FOXP1: variants seen among roughly 807,000 people sequenced by gnomAD.
The protein encoded by FOXP1 is forkhead box P1, also known as forkhead box protein P1.
A neutral mutation model predicts 98.2 loss-of-function variants in FOXP1; 15 were observed. The observed-to-expected ratio is 0.15, with a 90% CI of 0.10 to 0.24. The LOEUF (loss-of-function observed/expected upper bound fraction) is 0.24, where lower values mean the gene tolerates loss of function less well. Ranked by LOEUF, FOXP1 falls within the 10% of genes least tolerant of loss-of-function variation. FOXP1 has a pLI of 1.00. For missense variants in FOXP1, 633 were observed against 848.5 expected (o/e 0.75, Z 3.15); for synonymous variants, 371 against 314.5 (o/e 1.18, Z -1.90).
intron 6 of FOXP1, among the ~76,000 whole-genome samples, chr3:71,123,244 A>T (rs2058914923): frequency 6.6e-6 from 1 of 152,212 alleles, no homozygotes. Flanking sequence ...CCAGCCCTGC[A>T]TCTGAATCCC....
chr3:71,071,356 T>A (rs2053204276), intron 7 of FOXP1, among the ~76,000 whole-genome samples: 1 of 152,176 alleles, frequency 6.6e-6, no homozygotes, highest in South Asian at 2.1e-4. Flanking sequence ...GGGGCTCATC[T>A]ACAGGCCGCT....
At chr3:71,026,344 A>G (rs556615666) in intron 11 of FOXP1, among the ~76,000 whole-genome samples, 2 of 152,356 alleles carry the variant, frequency 1.3e-5, no homozygotes, top group Admixed American at 1.3e-4. Flanking sequence ...CAAGTTTGGA[A>G]AAGTAAAAGC....
At chr3:71,294,700 A>T (rs1410884419) in intron 5 of FOXP1, among the ~76,000 whole-genome samples, 2 of 152,040 alleles carry the variant, frequency 1.3e-5, no homozygotes, top group Non-Finnish European at 2.9e-5. Context: ...TGTCCCCTTA[A>T]ATCTGTTTGT....
chr3:71,036,806 G>A (rs761090262), intron 11 of FOXP1, among the ~76,000 whole-genome samples: 1 of 152,062 alleles, frequency 6.6e-6, no homozygotes, highest in Non-Finnish European at 1.5e-5. Flanking sequence ...CCATAAAAGA[G>A]AAAACTCTGG....
chr3:71,232,671 G>A (rs952309426), intron 5 of FOXP1, among the ~76,000 whole-genome samples: 1 of 151,678 alleles, frequency 6.6e-6, no homozygotes, highest in African/African-American at 2.4e-5. Context: ...GGTGGAGGTG[G>A]GAGGATCCCT....
intron 2 of FOXP1, among the ~76,000 whole-genome samples, chr3:71,538,075 T>C (rs1271651371): frequency 1.3e-5 from 2 of 152,174 alleles, no homozygotes; most frequent in Non-Finnish European, 2.9e-5. Context: ...TTTACAGAAA[T>C]TTGCTGACCC....
At chr3:70,970,574 C>T (rs866363109) in intron 19 of FOXP1, 162 bp downstream of exon 19, 2 of 703,962 alleles carry the variant, frequency 2.8e-6, no homozygotes, top group Non-Finnish European at 5.2e-6. Context: ...CTGAAGCAGC[C>T]CGATGTGTTT....
chr3:70,973,239 C>CCCCTG (rs1553663756), intron 17 of FOXP1, among the ~76,000 whole-genome samples: 5 of 138,082 alleles, frequency 3.6e-5, no homozygotes, highest in African/African-American at 1.3e-4. Flanking sequence ...GGACCCCCCG[C>CCCCTG]CCCCGCCCCG....
intron 3 of FOXP1, among the ~76,000 whole-genome samples, chr3:71,446,429 C>T (rs187494042): frequency 6.6e-6 from 1 of 152,180 alleles, no homozygotes; most frequent in African/African-American, 2.4e-5. Context: ...GCAGACAAGA[C>T]ATGCCCCCTG....
At chr3:71,460,544 C>A (rs184291407) in intron 3 of FOXP1, among the ~76,000 whole-genome samples, 1 of 151,636 alleles carries the variant, frequency 6.6e-6, no homozygotes, top group East Asian at 1.9e-4. Flanking sequence ...TCAAGGAATT[C>A]TCTTGCCTCA....
intron 1 of FOXP1, chr3:71,582,748 C>A: frequency 1.0e-6 from 1 of 985,346 alleles, no homozygotes. Flanking sequence ...AAAGCGGAGG[C>A]CGAGCGCGCG....
Position 71,276,664 on chromosome 3 carries a change from A to G in FOXP1, c.-12+23156T>C, listed in dbSNP as rs2070925524. On this transcript the variant is annotated intron_variant, in intron 5 of 20. Transcript: ENST00000649528. ...TGTATATATGCATGGTGATGCATAG[A>G]TACAGTGTTTCAGTACACATAATGC... 3.9e-5 allele frequency among the ~76,000 whole-genome samples: 6 copies of G among 152,238 alleles called. No individual in the cohort carries two copies. In the South Asian group the frequency reaches 1.2e-3, roughly 31 times the overall value.
At chr3:71,126,884 C>CAAAAAAAAAAAAAAA (rs1575879348) in intron 6 of FOXP1, among the ~76,000 whole-genome samples, 1 of 80,350 alleles carries the variant, frequency 1.2e-5, no homozygotes, top group African/African-American at 4.1e-5. Context: ...AAAAAAAAAA[C>CAAAAAAAAAAAAAAA]AAAAACAAAA....
chr3:71,561,883 G>T (rs985812962), intron 2 of FOXP1, among the ~76,000 whole-genome samples: 3 of 152,038 alleles, frequency 2.0e-5, no homozygotes, highest in Admixed American at 2.0e-4. Flanking sequence ...TCTCTTGGGG[G>T]ATATGGAAAG....
At chr3:71,182,254 A>C (rs1332466740) in intron 6 of FOXP1, among the ~76,000 whole-genome samples, 1 of 152,062 alleles carries the variant, frequency 6.6e-6, no homozygotes, top group African/African-American at 2.4e-5. Flanking sequence ...GGAAAACTTA[A>C]AGACATTATG....
At chr3:71,507,001 G>A (rs1345880327) in intron 2 of FOXP1, among the ~76,000 whole-genome samples, 1 of 152,190 alleles carries the variant, frequency 6.6e-6, no homozygotes, top group Non-Finnish European at 1.5e-5. Context: ...CTCCACACCT[G>A]AGAGCTGCTG....
intron 6 of FOXP1, among the ~76,000 whole-genome samples, chr3:71,147,897 T>C (rs1019084914): frequency 3.9e-5 from 6 of 152,042 alleles, no homozygotes; most frequent in African/African-American, 4.8e-5. Flanking sequence ...ACTTGATAAA[T>C]AGAATTATGT....
intron 5 of FOXP1, among the ~76,000 whole-genome samples, chr3:71,235,345 T>G (rs1360496876): frequency 6.6e-6 from 1 of 152,190 alleles, no homozygotes; most frequent in Non-Finnish European, 1.5e-5. Context: ...TGAACACCGA[T>G]TACGAAACCT....
chr3:71,132,788 T>A (rs779022232), intron 6 of FOXP1, among the ~76,000 whole-genome samples: 7 of 151,998 alleles, frequency 4.6e-5, no homozygotes, highest in Non-Finnish European at 8.8e-5. Flanking sequence ...TGCAAACGAG[T>A]CCTGGGTAAC....
Sources: allele counts gnomAD v4.1 joint callset (sites outside exome capture counted in the v4.1 genomes callset), GRCh38; gene constraint gnomAD v4.1.1; transcripts MANE v1.5; gene names NCBI Gene and HGNC (gene_info 2026-07-23, HGNC 2026-07-21).